The following UBE2E2 variants were observed in gnomAD, a reference collection of about 807,000 sequenced individuals.
UBE2E2 encodes ubiquitin conjugating enzyme E2 E2.
A neutral mutation model predicts 24.7 loss-of-function variants in UBE2E2; 6 were observed. The ratio of observed to expected loss-of-function variants is 0.24; its 90% CI spans 0.13 to 0.48. The LOEUF is 0.48. Among genes scored for constraint, UBE2E2 ranks in the 20% least tolerant of loss-of-function variants. The pLI is 0.99. For synonymous variants in UBE2E2, 104 were observed against 83.6 expected (o/e 1.24, Z -1.33); for missense variants, 169 against 245.0 (o/e 0.69, Z 2.07).
chr3:23,568,736 T>C (rs1575713955), intron 5 of UBE2E2, among the ~76,000 whole-genome samples: 1 of 83,568 alleles, frequency 1.2e-5, no homozygotes, highest in East Asian at 5.4e-4. Flanking sequence ...TATGTATACA[T>C]ATATATATAT....
chr3:23,356,824 C>G (rs1268896352), intron 3 of UBE2E2, among the ~76,000 whole-genome samples: 4 of 152,162 alleles, frequency 2.6e-5, no homozygotes, highest in African/African-American at 9.7e-5. Context: ...GTCTCCAACC[C>G]CTGGTGCCAG....
chr3:23,334,325 G>A (rs1216667786), intron 3 of UBE2E2, among the ~76,000 whole-genome samples: 5 of 151,746 alleles, frequency 3.3e-5, no homozygotes, highest in Non-Finnish European at 5.9e-5. Flanking sequence ...GAGATTATGA[G>A]AAGACTTTCA....
chr3:23,558,288 T>A (rs914210869), intron 5 of UBE2E2, among the ~76,000 whole-genome samples: 1 of 152,216 alleles, frequency 6.6e-6, no homozygotes, highest in Non-Finnish European at 1.5e-5. Context: ...TCTATAAGTA[T>A]AGGGTGAAAG....
At chr3:23,467,575 G>T (rs1386305610) in intron 3 of UBE2E2, among the ~76,000 whole-genome samples, 1 of 152,122 alleles carries the variant, frequency 6.6e-6, no homozygotes, top group Non-Finnish European at 1.5e-5. Flanking sequence ...CTATAAAAGG[G>T]TTCCTGCAGT....
chr3:23,361,842 AG>A (rs1559361739), intron 3 of UBE2E2, among the ~76,000 whole-genome samples: 1 of 152,212 alleles, frequency 6.6e-6, no homozygotes, highest in Non-Finnish European at 1.5e-5. Flanking sequence ...ATAAAATACA[AG>A]GTATTATTGG....
chr3:23,287,890 T>G (rs1374963462), intron 3 of UBE2E2, among the ~76,000 whole-genome samples: 1 of 151,932 alleles, frequency 6.6e-6, no homozygotes, highest in East Asian at 1.9e-4. Flanking sequence ...ACACACAGTT[T>G]TGTTGCTCTC....
At chr3:23,481,385 C>T (rs1394246909) in intron 3 of UBE2E2, among the ~76,000 whole-genome samples, 1 of 152,202 alleles carries the variant, frequency 6.6e-6, no homozygotes, top group Non-Finnish European at 1.5e-5. Context: ...TTTTAAGAAT[C>T]AGGCTATCGT....
chr3:23,455,608 T>C (rs961810421), intron 3 of UBE2E2, among the ~76,000 whole-genome samples: 2 of 152,092 alleles, frequency 1.3e-5, no homozygotes, highest in African/African-American at 4.8e-5. Context: ...GGAGGATCAC[T>C]TGAGCCCAGG....
chr3:23,431,634 A>G (rs1047057627), intron 3 of UBE2E2, among the ~76,000 whole-genome samples: 2 of 152,206 alleles, frequency 1.3e-5, no homozygotes, highest in African/African-American at 2.4e-5. Flanking sequence ...TAGATTTACC[A>G]TCACTTCTGA....
chr3:23,506,501 A>G (rs979799365), intron 4 of UBE2E2, among the ~76,000 whole-genome samples: 1 of 152,150 alleles, frequency 6.6e-6, no homozygotes, highest in Non-Finnish European at 1.5e-5. Context: ...TTGACAATAA[A>G]TCTAGAATCC....
intron 3 of UBE2E2, among the ~76,000 whole-genome samples, chr3:23,374,050 A>C (rs1369493640): frequency 6.6e-6 from 1 of 152,212 alleles, no homozygotes; most frequent in Non-Finnish European, 1.5e-5. Flanking sequence ...CACTGCCCAC[A>C]CAATGGATGT....
At chr3:23,320,135 G>C (rs1694704560) in intron 3 of UBE2E2, among the ~76,000 whole-genome samples, 1 of 152,142 alleles carries the variant, frequency 6.6e-6, no homozygotes, top group Non-Finnish European at 1.5e-5. Context: ...TAGAAAGCTG[G>C]GGGTTGTCAT....
chr3:23,444,543 T>C (rs1415427357), intron 3 of UBE2E2, among the ~76,000 whole-genome samples: 1 of 152,214 alleles, frequency 6.6e-6, no homozygotes, highest in Non-Finnish European at 1.5e-5. Context: ...TCAACCCTAC[T>C]GTCATCCTTC....
At chr3:23,306,251 ACTGT>A (rs1370231645) in intron 3 of UBE2E2, among the ~76,000 whole-genome samples, 1 of 152,214 alleles carries the variant, frequency 6.6e-6, no homozygotes, top group African/African-American at 2.4e-5. Flanking sequence ...AAGTCATTTG[ACTGT>A]CTGTGTCTCA....
At chr3:23,461,293 G>A (rs769682087) in intron 3 of UBE2E2, among the ~76,000 whole-genome samples, 30 of 151,988 alleles carry the variant, frequency 2.0e-4, no homozygotes, top group African/African-American at 3.1e-4. Flanking sequence ...ACCATGTGTG[G>A]TGCTCCATCT....
At chr3:23,466,128 A>G (rs1459914064) in intron 3 of UBE2E2, among the ~76,000 whole-genome samples, 3 of 152,208 alleles carry the variant, frequency 2.0e-5, no homozygotes, top group African/African-American at 7.2e-5. Context: ...TAAAAATTAT[A>G]ATTATAAATG....
chr3:23,272,320 G>A (rs914408695), intron 3 of UBE2E2, among the ~76,000 whole-genome samples: 1 of 152,030 alleles, frequency 6.6e-6, no homozygotes, highest in African/African-American at 2.4e-5. Flanking sequence ...CCAAGCCCAC[G>A]CCCACCCAGA....
intron 3 of UBE2E2, among the ~76,000 whole-genome samples, chr3:23,298,136 T>G (rs1214975928): frequency 6.6e-6 from 1 of 152,224 alleles, no homozygotes; most frequent in African/African-American, 2.4e-5. Flanking sequence ...TACATTGAAT[T>G]TGTATCCTGA....
At chr3:23,525,719 C>T (rs77582393) in intron 4 of UBE2E2, among the ~76,000 whole-genome samples, 446 of 152,276 alleles carry the variant, frequency 2.9e-3, no homozygotes, top group African/African-American at 0.01. Context: ...GCTTTATGGT[C>T]ATTTTTTATC....
Sources: allele counts gnomAD v4.1 joint callset (sites outside exome capture counted in the v4.1 genomes callset), GRCh38; gene constraint gnomAD v4.1.1; transcripts MANE v1.5; gene names NCBI Gene and HGNC (gene_info 2026-07-23, HGNC 2026-07-21).